The following ASB13 variants were observed in gnomAD, a reference collection of about 807,000 sequenced individuals.
ASB13 encodes ankyrin repeat and SOCS box protein 13.
ASB13 carries 33 observed loss-of-function variants against 28.8 expected under a neutral mutation model. That is an observed-to-expected ratio of 1.15 (90% CI 0.87 to 1.53). The LOEUF is 1.53. Ranked by LOEUF, ASB13 falls within the 40% of genes most tolerant of loss-of-function variation. ASB13 has a pLI of 0.00. For synonymous variants in ASB13, 182 were observed against 172.9 expected (o/e 1.05, Z -0.41); for missense variants, 414 against 390.1 (o/e 1.06, Z -0.52).
At position 5,644,357 on chromosome 10, in the gene ASB13, G is replaced by A. The variant is rs995458612; in HGVS notation, c.518-2396C>T. Reference sequence around the variant, plus strand: ...AAAATTTAAAAATTACCCGGGGGGCGTGATGGCACACATCTGTGGTCCCAC... The same window carrying A: ...AAAATTTAAAAATTACCCGGGGGGCATGATGGCACACATCTGTGGTCCCAC... On this transcript the variant is annotated intron_variant, in intron 4 of 5. Transcript: ENST00000357700. This position sits in a 1 kb window ranked among gnomAD's most constrained non-coding sequence, Gnocchi z 5.1. Among the ~76,000 whole-genome samples, 6 of 152,156 alleles carry A rather than the reference G, an allele frequency of 3.9e-5. No individual in the cohort carries two copies. The highest frequency in any genetic ancestry group is 2.1e-4 in the South Asian group (1 of 4,828).
rs143254038 is a variant in ASB13, at chr10:5,655,742, C to T, written c.44-2692G>A. 2.9e-4 allele frequency among the ~76,000 whole-genome samples: 44 copies of T among 152,218 alleles called. No individual in the cohort carries two copies. The East Asian group carries it at 4.2e-3, about 15-fold the overall frequency. On this transcript the variant is annotated intron_variant, in intron 1 of 5. Transcript: ENST00000357700. This position sits in a 1 kb window ranked among gnomAD's most constrained non-coding sequence, Gnocchi z 6.2. The stretch of plus-strand genomic sequence containing the variant: ...GCTTAGTGTCACTTTAAAATCAATC[C>T]GCAGGGAGCAAAATCCTAAGGGTAG...
At chr10:5,654,717 C>T (rs1835044585) in intron 1 of ASB13, among the ~76,000 whole-genome samples, 1 of 152,198 alleles carries the variant, frequency 6.6e-6, no homozygotes, top group South Asian at 2.1e-4. Context: ...CACACCTCTT[C>T]TCAATCAGCA....
At chr10:5,654,291 C>T (rs932254881) in intron 1 of ASB13, among the ~76,000 whole-genome samples, 5 of 152,030 alleles carry the variant, frequency 3.3e-5, no homozygotes, top group Non-Finnish European at 7.4e-5. Context: ...GAAGGAGCTC[C>T]AGGGGAAGGC....
At chr10:5,648,744 GGGCAAACACCCACTCA>G (rs1301839161) in intron 4 of ASB13, among the ~76,000 whole-genome samples, 1 of 127,616 alleles carries the variant, frequency 7.8e-6, no homozygotes, top group Non-Finnish European at 1.7e-5. Flanking sequence ...ACACCCACAC[GGGCAAACACCCACTCA>G]GGCAAACACC....
chr10:5,659,666 C>T lies in ASB13; in HGVS notation c.44-6616G>A, dbSNP rs566440003. ...CTCCCGAGCATGCAGCCCACCCCCC[C>T]ACGCCATCTCCACACTATTGCCCCA... On this transcript the variant is annotated intron_variant, in intron 1 of 5. Transcript: ENST00000357700. This position sits in a 1 kb window ranked among gnomAD's most constrained non-coding sequence, Gnocchi z 5.8. 4.0e-5 allele frequency among the ~76,000 whole-genome samples: 6 copies of T among 150,192 alleles called. No homozygotes were observed. The highest frequency in any genetic ancestry group is 7.3e-5 in the African/African-American group (3 of 41,088).
chr10:5,651,084 G>A lies in ASB13; in HGVS notation c.382+129C>T. 1 of 1,236,214 alleles carries A rather than the reference G, an allele frequency of 8.1e-7. No individual in the cohort carries two copies. Among genetic ancestry groups the A allele is most frequent in the African/African-American group, 1.5e-5 (1 of 65,322 alleles). The allele number at this position is 1,236,214 out of a possible 1,614,324, so 76.6% of individuals were successfully genotyped here. A position where few individuals can be genotyped will look rare whatever the true frequency, so the allele number is the denominator to read the frequency against. The stretch of plus-strand genomic sequence containing the variant: ...CCACCAGGAGCCAGAAACAGACTCA[G>A]AACTCTCCTTCACCAGCCAAGGGCT... On this transcript the variant is annotated intron_variant, in intron 3 of 5. Coordinates refer to ENST00000357700, the MANE Select transcript of ASB13 (RefSeq NM_024701.4). This position sits in a 1 kb window ranked among gnomAD's most constrained non-coding sequence, Gnocchi z 5.1.
rs547519284 is a variant in ASB13, at chr10:5,658,357, G to T, written c.44-5307C>A. Among the ~76,000 whole-genome samples, 1 of 152,038 alleles carries T rather than the reference G, an allele frequency of 6.6e-6. No homozygotes were observed. The highest frequency in any genetic ancestry group is 2.1e-4 in the South Asian group (1 of 4,834). The stretch of plus-strand genomic sequence containing the variant: ...AAGGCAGGAGAATCACTTGAACCCA[G>T]GAGGTGGAGGTTGCAGTGAGCCAAA... On this transcript the variant is annotated intron_variant, in intron 1 of 5. Transcript: ENST00000357700. This position sits in a 1 kb window ranked among gnomAD's most constrained non-coding sequence, Gnocchi z 4.2.
rs1447635071 is a variant in ASB13 at position 5,640,598 on chromosome 10, G to A, written c.*105C>T. On this transcript the variant is annotated 3_prime_UTR_variant, in exon 6 of 6. Coordinates refer to ENST00000357700, the MANE Select transcript of ASB13 (RefSeq NM_024701.4). ...GCAGGAAGGGACTCGAAGGAGCGTT[G>A]TTCTATCTACAGCAATCACGCTGCT... 2.8e-6 allele frequency: 4 copies of A among 1,432,288 alleles called. No individual in the cohort carries two copies. The highest frequency in any genetic ancestry group is 3.9e-6 in the Non-Finnish European group (4 of 1,031,948). The allele number at this position is 1,432,288 out of a possible 1,614,324, so 88.7% of individuals were successfully genotyped here.
rs1835054444 is a variant in ASB13, at chr10:5,655,332, G to C, written c.44-2282C>G. ...AGCTTACCCAAAACACAACTTCCCT[G>C]AGTGTCAGTTTCTTTACCTGTAAGT... is the stretch of plus-strand genomic sequence containing the variant. On this transcript the variant is annotated intron_variant, in intron 1 of 5. Transcript: ENST00000357700. This position sits in a 1 kb window ranked among gnomAD's most constrained non-coding sequence, Gnocchi z 6.2. Among the ~76,000 whole-genome samples the C allele has an allele frequency of 6.6e-6, 1 of 152,138 alleles. No individual in the cohort carries two copies. The highest frequency in any genetic ancestry group is 2.1e-4 in the South Asian group (1 of 4,824).
chr10:5,648,645 C>A (rs533981589), intron 4 of ASB13, among the ~76,000 whole-genome samples: 463 of 151,474 alleles, frequency 3.1e-3, no homozygotes, highest in African/African-American at 0.011. Context: ...TAAACACCCA[C>A]GCGGGCAAAC....
chr10:5,662,962 T>C lies in ASB13; in HGVS notation c.43+3547A>G, dbSNP rs11257753. Among the ~76,000 whole-genome samples, 5,278 of 152,322 alleles carry C rather than the reference T, an allele frequency of 0.035. 696 individuals carry two copies. In the East Asian group the frequency reaches 0.46, roughly 13 times the overall value. ...AAAAAAATATGGATCTTTATTTTTC[T>C]ATGTAGAAACTCCCACTTACAAGTC... is the stretch of plus-strand genomic sequence containing the variant. On this transcript the variant is annotated intron_variant, in intron 1 of 5. Coordinates refer to ENST00000357700, the MANE Select transcript of ASB13 (RefSeq NM_024701.4).
intron 1 of ASB13, among the ~76,000 whole-genome samples, chr10:5,657,491 C>T (rs1479046614): frequency 1.3e-5 from 2 of 152,100 alleles, no homozygotes; most frequent in Non-Finnish European, 2.9e-5. Context: ...TACTACCTCA[C>T]ACCTGTTAGG....
rs1834951042 is a variant in ASB13, at chr10:5,649,487, T to C, written c.383-383A>G. On this transcript the variant is annotated intron_variant, in intron 3 of 5. Coordinates refer to ENST00000357700, the MANE Select transcript of ASB13 (RefSeq NM_024701.4). The surrounding 1 kb of genome is among the most constrained non-coding windows in gnomAD (Gnocchi z 6.4). ...CCAGGAAACCCCCCAGACTTTCTTA[T>C]GCAGGTCATCCTCCTGTGCACCACG... Among the ~76,000 whole-genome samples the C allele has an allele frequency of 6.6e-6, 1 of 151,092 alleles. No individual in the cohort carries two copies. The highest frequency in any genetic ancestry group is 1.5e-5 in the Non-Finnish European group (1 of 67,844).
Position 5,658,238 on chromosome 10 carries a change from G to A in ASB13, c.44-5188C>T, listed in dbSNP as rs891489966. ...AATCCCAGCACTTTGGGAGGCCGAGGCAGGCAATATGGTGAAACCCCATCT... is the reference window on the plus strand; with the variant it reads ...AATCCCAGCACTTTGGGAGGCCGAGACAGGCAATATGGTGAAACCCCATCT... On this transcript the variant is annotated intron_variant, in intron 1 of 5. Transcript: ENST00000357700. This position sits in a 1 kb window ranked among gnomAD's most constrained non-coding sequence, Gnocchi z 4.2. Among the ~76,000 whole-genome samples the A allele has an allele frequency of 3.3e-5, 5 of 152,100 alleles. No individual in the cohort carries two copies. The highest frequency in any genetic ancestry group is 1.2e-4 in the African/African-American group (5 of 41,412).
At position 5,666,489 on chromosome 10, in the gene ASB13, T is replaced by C. The variant is rs1402231117; in HGVS notation, c.43+20A>G. On this transcript the variant is annotated intron_variant, in intron 1 of 5. Coordinates refer to ENST00000357700, the MANE Select transcript of ASB13 (RefSeq NM_024701.4). ...CCGGCGCCGCTGCCTCGCTCTGACC[T>C]CCGCGGCGCCCGCACGTACCCACGT... 7.7e-7 allele frequency: 1 copy of C among 1,293,682 alleles called. No individual in the cohort carries two copies. Among genetic ancestry groups the C allele is most frequent in the South Asian group, 2.1e-5 (1 of 46,866 alleles). 80.1% of individuals were successfully genotyped at this position (1,293,682 alleles called of 1,614,324 possible). A position where few individuals can be genotyped will look rare whatever the true frequency, so the allele number is the denominator to read the frequency against.
rs1025451062 is a variant in ASB13, at chr10:5,658,924, G to C, written c.44-5874C>G. On this transcript the variant is annotated intron_variant, in intron 1 of 5. Transcript: ENST00000357700. This position sits in a 1 kb window ranked among gnomAD's most constrained non-coding sequence, Gnocchi z 4.2. ...CCAAACCACCGATGGCCCTTCCAGG[G>C]GGCGAAGAGACCCACTCTCTTCATA... is the stretch of plus-strand genomic sequence containing the variant. 1.3e-5 allele frequency among the ~76,000 whole-genome samples: 2 copies of C among 152,062 alleles called. No individual in the cohort carries two copies. The highest frequency in any genetic ancestry group is 1.3e-4 in the Admixed American group (2 of 15,268).
chr10:5,648,358 G>A (rs1430155862), intron 4 of ASB13, among the ~76,000 whole-genome samples: 7 of 77,334 alleles, frequency 9.1e-5, no homozygotes, highest in Admixed American at 6.1e-4. Context: ...CAACACCCAC[G>A]GGGGTAAACA....
Position 5,660,838 on chromosome 10 carries a change from T to C in ASB13, c.43+5671A>G, listed in dbSNP as rs1053946600. ...GTCTCTGCCCAATTTTTCTGCTCAG[T>C]TCCCGGGCCCTCTGAGACCAGAGCC... On this transcript the variant is annotated intron_variant, in intron 1 of 5. Coordinates refer to ENST00000357700, the MANE Select transcript of ASB13 (RefSeq NM_024701.4). The surrounding 1 kb of genome is among the most constrained non-coding windows in gnomAD (Gnocchi z 6.1). Among the ~76,000 whole-genome samples the C allele has an allele frequency of 2.6e-5, 4 of 152,072 alleles. No homozygotes were observed. Among genetic ancestry groups the C allele is most frequent in the African/African-American group, 9.7e-5 (4 of 41,416 alleles).
intron 4 of ASB13, among the ~76,000 whole-genome samples, chr10:5,646,502 G>C (rs4747876): frequency 0.97 from 147,946 of 152,312 alleles, 71,990 homozygotes; most frequent in East Asian, 1. Context: ...CTTGCTCAGG[G>C]AGGCCGGAGG....
Sources: allele counts gnomAD v4.1 joint callset (sites outside exome capture counted in the v4.1 genomes callset), GRCh38; gene constraint gnomAD v4.1.1; non-coding constraint Gnocchi (gnomAD v3.1); transcripts MANE v1.5; gene names NCBI Gene and HGNC (gene_info 2026-07-23, HGNC 2026-07-21).